HPSE2: variants seen among roughly 807,000 people sequenced by gnomAD.
HPSE2 encodes the protein heparanase 2 (inactive), also known as inactive heparanase-2.
HPSE2 carries 38 observed loss-of-function variants against 60.5 expected under a neutral mutation model. The observed-to-expected ratio is 0.63, with a 90% CI of 0.48 to 0.82. The LOEUF is 0.82. Among genes scored for constraint, HPSE2 ranks in the 40% least tolerant of loss-of-function variants. The pLI is 0.00. For synonymous variants in HPSE2, 295 were observed against 293.2 expected, an observed-to-expected ratio of 1.01 and a Z score of -0.06; for missense variants, 713 against 740.4, an observed-to-expected ratio of 0.96 and a Z score of 0.43.
At chr10:98,507,109 A>T (rs1413493609) in intron 9 of HPSE2, among the ~76,000 whole-genome samples, 4 of 152,230 alleles carry the variant, frequency 2.6e-5, no homozygotes, top group African/African-American at 9.6e-5. Flanking sequence ...TGTGTATACG[A>T]ATAGGTTAAT....
intron 3 of HPSE2, among the ~76,000 whole-genome samples, chr10:98,920,406 T>G (rs1954248613): frequency 6.6e-6 from 1 of 152,156 alleles, no homozygotes; most frequent in East Asian, 1.9e-4. Context: ...CAAATAAAAC[T>G]TATGTGTCTA....
chr10:98,481,041 G>T (rs1941215164), intron 11 of HPSE2, among the ~76,000 whole-genome samples: 1 of 152,142 alleles, frequency 6.6e-6, no homozygotes, highest in African/African-American at 2.4e-5. Flanking sequence ...TGGCTTGTTA[G>T]ACTAAAGCAT....
intron 3 of HPSE2, among the ~76,000 whole-genome samples, chr10:99,002,721 G>T (rs953062007): frequency 1.3e-5 from 2 of 151,658 alleles, no homozygotes; most frequent in African/African-American, 2.4e-5. Flanking sequence ...ATAAAATATG[G>T]GCTTTGGTTA....
Position 99,190,858 on chromosome 10 carries a change from C to T in HPSE2, c.448+41490G>A, listed in dbSNP as rs192266140. On this transcript the variant is annotated intron_variant, in intron 2 of 11. Transcript: ENST00000370552. ...GCTCTAGGCCTTGGCTCCTAGATGG[C>T]GTGTCTGGACCTGCCCTGGGCCAGA... 8.5e-5 allele frequency among the ~76,000 whole-genome samples: 13 copies of T among 152,286 alleles called. No individual in the cohort carries two copies. In the East Asian group the frequency reaches 9.7e-4, roughly 11 times the overall value.
intron 3 of HPSE2, among the ~76,000 whole-genome samples, chr10:99,118,170 G>A (rs2135702288): frequency 6.6e-6 from 1 of 152,102 alleles, no homozygotes; most frequent in Admixed American, 6.5e-5. Context: ...CGCAGGAAAA[G>A]CTTTCCATAA....
intron 9 of HPSE2, among the ~76,000 whole-genome samples, chr10:98,604,272 T>C (rs1267281478): frequency 6.6e-6 from 1 of 150,770 alleles, no homozygotes; most frequent in Admixed American, 6.6e-5. Context: ...AGATGAGCAA[T>C]GCAAGCAGAG....
At chr10:98,696,368 G>C (rs925411226) in intron 5 of HPSE2, among the ~76,000 whole-genome samples, 5 of 148,034 alleles carry the variant, frequency 3.4e-5, no homozygotes, top group African/African-American at 1.2e-4. Flanking sequence ...TTCAGTTTCT[G>C]TCATCAGAAC....
chr10:98,595,956 G>T (rs1301448024), intron 9 of HPSE2, among the ~76,000 whole-genome samples: 1 of 152,168 alleles, frequency 6.6e-6, no homozygotes, highest in Admixed American at 6.5e-5. Flanking sequence ...CTATTGAAAT[G>T]ATTATATGTT....
intron 3 of HPSE2, among the ~76,000 whole-genome samples, chr10:99,071,256 G>A (rs1258684008): frequency 6.6e-6 from 1 of 151,980 alleles, no homozygotes; most frequent in African/African-American, 2.4e-5. Context: ...TTTTAGTAGA[G>A]ATGGGGTTTC....
intron 5 of HPSE2, among the ~76,000 whole-genome samples, chr10:98,710,432 TG>T (rs1257360600): frequency 1.3e-5 from 2 of 151,984 alleles, no homozygotes; most frequent in African/African-American, 4.8e-5. Context: ...AGGCTTCCCT[TG>T]GAGCTTATGT....
chr10:99,269,549 A>G, the HPSE2 span, among the ~76,000 whole-genome samples: 1 of 152,350 alleles, frequency 6.6e-6, no homozygotes, highest in East Asian at 1.9e-4. Context: ...ACAGGTCATC[A>G]AGACAGAAAG....
At chr10:98,531,611 C>T (rs1241782944) in intron 9 of HPSE2, among the ~76,000 whole-genome samples, 1 of 152,168 alleles carries the variant, frequency 6.6e-6, no homozygotes, top group African/African-American at 2.4e-5. Context: ...GAAAGATGTC[C>T]AGTTTCTCAA....
intron 3 of HPSE2, among the ~76,000 whole-genome samples, chr10:98,866,397 T>C (rs1437333819): frequency 6.6e-6 from 1 of 151,906 alleles, no homozygotes; most frequent in Non-Finnish European, 1.5e-5. Context: ...TGGCCTAACA[T>C]AGAGATAATT....
At chr10:99,185,872 G>A (rs1311024372) in intron 2 of HPSE2, among the ~76,000 whole-genome samples, 1 of 151,840 alleles carries the variant, frequency 6.6e-6, no homozygotes. Flanking sequence ...AGAGAAGATA[G>A]ATCAATAGAA....
chr10:98,774,742 C>G (rs1025543489), intron 3 of HPSE2, among the ~76,000 whole-genome samples: 2 of 152,200 alleles, frequency 1.3e-5, no homozygotes, highest in African/African-American at 2.4e-5. Context: ...GTACTGGCAG[C>G]TGAACACGTA....
At chr10:98,996,540 G>T (rs980426644) in intron 3 of HPSE2, among the ~76,000 whole-genome samples, 2 of 152,144 alleles carry the variant, frequency 1.3e-5, no homozygotes, top group African/African-American at 4.8e-5. Flanking sequence ...AAAGTCTTAG[G>T]TGTGTCCATA....
At chr10:99,165,070 A>T (rs1847019485) in intron 2 of HPSE2, among the ~76,000 whole-genome samples, 1 of 137,800 alleles carries the variant, frequency 7.3e-6, no homozygotes, top group Admixed American at 8.0e-5. Context: ...CAACAGAGCA[A>T]GACTCGGTCT....
intron 11 of HPSE2, among the ~76,000 whole-genome samples, chr10:98,467,103 C>G (rs367654978): frequency 2.0e-5 from 3 of 152,340 alleles, no homozygotes; most frequent in East Asian, 3.9e-4. Context: ...CTCCTCCCTT[C>G]CAGCTTCCTT....
At chr10:99,160,431 T>C (rs1211524292) in intron 2 of HPSE2, among the ~76,000 whole-genome samples, 1 of 152,152 alleles carries the variant, frequency 6.6e-6, no homozygotes, top group Non-Finnish European at 1.5e-5. Context: ...TACCAAGTGC[T>C]GCCAAGAATG....
Sources: gnomAD v4.1 joint callset for allele counts (sites outside exome capture counted in the v4.1 genomes callset) on GRCh38, gnomAD v4.1.1 for gene constraint, MANE v1.5 for transcripts, NCBI Gene and HGNC (gene_info 2026-07-23, HGNC 2026-07-21) for gene names.